Variants in TAFA1 observed in about 807,000 individuals in gnomAD.
TAFA1 encodes chemokine-like protein TAFA-1.
A neutral mutation model predicts 18.5 loss-of-function variants in TAFA1; 4 were observed. The ratio of observed to expected loss-of-function variants is 0.22; its 90% CI spans 0.11 to 0.49. The LOEUF (loss-of-function observed/expected upper bound fraction) is 0.49, where lower values mean the gene tolerates loss of function less well. Among genes scored for constraint, TAFA1 ranks in the 20% least tolerant of loss-of-function variants. The probability of loss-of-function intolerance (pLI) is 0.98; values close to 1 mark genes in which losing one functional copy is unlikely to be tolerated. For missense variants in TAFA1, 147 were observed against 169.0 expected (o/e 0.87, Z 0.72); for synonymous variants, 56 against 55.2 (o/e 1.01, Z -0.06).
intron 2 of TAFA1, among the ~76,000 whole-genome samples, chr3:68,378,278 C>T (rs1366548306): frequency 6.6e-6 from 1 of 152,174 alleles, no homozygotes; most frequent in African/African-American, 2.4e-5. Context: ...CTTGCATCAA[C>T]ATGCCAAGAA....
At chr3:68,237,055 C>T (rs1279900507) in intron 2 of TAFA1, among the ~76,000 whole-genome samples, 1 of 152,192 alleles carries the variant, frequency 6.6e-6, no homozygotes, top group East Asian at 1.9e-4. Flanking sequence ...ATACAAGATA[C>T]ATCATTGTCT....
intron 3 of TAFA1, among the ~76,000 whole-genome samples, chr3:68,428,309 A>T (rs1241731825): frequency 2.0e-5 from 3 of 151,894 alleles, no homozygotes; most frequent in African/African-American, 7.2e-5. Flanking sequence ...AGCCAAGAGA[A>T]CACTGTACTT....
intron 2 of TAFA1, among the ~76,000 whole-genome samples, chr3:68,355,942 ATAAT>A (rs1412596758): frequency 2.7e-4 from 41 of 152,028 alleles, no homozygotes; most frequent in Non-Finnish European, 3.8e-4. Flanking sequence ...TTAAAATTAA[ATAAT>A]TAAGTTCAAA....
chr3:68,466,669 C>T (rs1293752876), intron 3 of TAFA1, among the ~76,000 whole-genome samples: 1 of 152,058 alleles, frequency 6.6e-6, no homozygotes, highest in African/African-American at 2.4e-5. Flanking sequence ...GTTTTCAAGT[C>T]CTCTCGGACC....
intron 2 of TAFA1, among the ~76,000 whole-genome samples, chr3:68,101,287 T>C (rs1400756674): frequency 2.0e-5 from 3 of 150,478 alleles, no homozygotes; most frequent in African/African-American, 7.3e-5. Flanking sequence ...ATTTTTATTT[T>C]ATATTATATT....
intron 2 of TAFA1, among the ~76,000 whole-genome samples, chr3:68,414,194 C>T (rs1039778636): frequency 3.3e-5 from 5 of 152,106 alleles, no homozygotes; most frequent in African/African-American, 1.2e-4. Context: ...GTAATCCCAG[C>T]TACTTGGGAG....
At chr3:68,303,558 A>G (rs1190883828) in intron 2 of TAFA1, among the ~76,000 whole-genome samples, 1 of 152,026 alleles carries the variant, frequency 6.6e-6, no homozygotes, top group African/African-American at 2.4e-5. Context: ...CTCCCGCCTC[A>G]GCCTCTCAGC....
At chr3:68,218,547 T>A (rs2066690517) in intron 2 of TAFA1, among the ~76,000 whole-genome samples, 1 of 152,098 alleles carries the variant, frequency 6.6e-6, no homozygotes. Flanking sequence ...CTGTTTGTAT[T>A]TCATACCTGG....
chr3:68,338,547 T>A (rs928899713), intron 2 of TAFA1, among the ~76,000 whole-genome samples: 1 of 152,208 alleles, frequency 6.6e-6, no homozygotes, highest in African/African-American at 2.4e-5. Context: ...CATTTTGTGT[T>A]AAGGATTCTC....
At chr3:68,213,356 G>A (rs1442560120) in intron 2 of TAFA1, among the ~76,000 whole-genome samples, 1 of 152,086 alleles carries the variant, frequency 6.6e-6, no homozygotes, top group African/African-American at 2.4e-5. Flanking sequence ...ATGAATGAAT[G>A]TCATCGTTAT....
chr3:68,399,811 G>T (rs2070454204), intron 2 of TAFA1, among the ~76,000 whole-genome samples: 1 of 152,022 alleles, frequency 6.6e-6, no homozygotes. Context: ...AATAAAAGGA[G>T]GACCATCTAT....
At chr3:68,489,245 CTA>C (rs2072407420) in intron 3 of TAFA1, among the ~76,000 whole-genome samples, 1 of 152,158 alleles carries the variant, frequency 6.6e-6, no homozygotes, top group African/African-American at 2.4e-5. Context: ...AAAATGGGAA[CTA>C]TAGCAACTTA....
intron 2 of TAFA1, among the ~76,000 whole-genome samples, chr3:68,208,877 G>T (rs950220176): frequency 1.3e-5 from 2 of 151,950 alleles, no homozygotes; most frequent in Non-Finnish European, 2.9e-5. Context: ...TTGAGTGTGT[G>T]CAGGCCTGGC....
intron 2 of TAFA1, among the ~76,000 whole-genome samples, chr3:68,207,888 A>G (rs1455037458): frequency 1.3e-5 from 2 of 151,930 alleles, no homozygotes; most frequent in Non-Finnish European, 2.9e-5. Context: ...GCCACACAGT[A>G]AATAAAGAAC....
At chr3:68,142,757 A>G (rs1370599342) in intron 2 of TAFA1, among the ~76,000 whole-genome samples, 1 of 152,156 alleles carries the variant, frequency 6.6e-6, no homozygotes, top group Non-Finnish European at 1.5e-5. Flanking sequence ...TCAGCTCTGA[A>G]TCTCTTTAAG....
the TAFA1 span, among the ~76,000 whole-genome samples, chr3:67,993,167 G>A: frequency 6.6e-6 from 1 of 152,160 alleles, no homozygotes; most frequent in South Asian, 2.1e-4. Context: ...ATATATATTG[G>A]GTAGTAGGCT....
chr3:68,261,573 T>C (rs529358701), intron 2 of TAFA1, among the ~76,000 whole-genome samples: 326 of 151,518 alleles, frequency 2.2e-3, no homozygotes, highest in Non-Finnish European at 3.9e-3. Context: ...CACCATGGAA[T>C]ACTATGCAGC....
intron 2 of TAFA1, among the ~76,000 whole-genome samples, chr3:68,038,110 T>C (rs960609392): frequency 3.3e-4 from 50 of 152,218 alleles, no homozygotes; most frequent in African/African-American, 1.2e-3. Context: ...GAATTTTGTC[T>C]ACAGTATGTG....
chr3:68,423,163 G>T (rs558759608), intron 3 of TAFA1, among the ~76,000 whole-genome samples: 39 of 151,766 alleles, frequency 2.6e-4, no homozygotes, highest in African/African-American at 9.2e-4. Context: ...TAAAAATAAT[G>T]GAACATAATT....
Sources: allele counts gnomAD v4.1 joint callset (sites outside exome capture counted in the v4.1 genomes callset), GRCh38; gene constraint gnomAD v4.1.1; transcripts MANE v1.5; gene names NCBI Gene and HGNC (gene_info 2026-07-23, HGNC 2026-07-21).